DDAH1: variants seen among roughly 807,000 people sequenced by gnomAD.
DDAH1 encodes N(G),N(G)-dimethylarginine dimethylaminohydrolase 1.
A neutral mutation model predicts 28.8 loss-of-function variants in DDAH1; 19 were observed. The ratio of observed to expected loss-of-function variants is 0.66; its 90% CI spans 0.46 to 0.97. The LOEUF (loss-of-function observed/expected upper bound fraction) is 0.97, where lower values mean the gene tolerates loss of function less well. Ranked by LOEUF, DDAH1 falls within the 50% of genes least tolerant of loss-of-function variation. DDAH1 has a pLI of 0.00. For missense variants in DDAH1, 326 were observed against 375.9 expected (o/e 0.87, Z 1.10); for synonymous variants, 153 against 154.4 (o/e 0.99, Z 0.07).
chr1:85,377,456 A>G (rs1252435648), intron 1 of DDAH1, among the ~76,000 whole-genome samples: 1 of 152,088 alleles, frequency 6.6e-6, no homozygotes, highest in Non-Finnish European at 1.5e-5. Context: ...CTGCCATCTA[A>G]CCAAACCCAA....
At chr1:85,441,777 T>C (rs530151366) in intron 1 of DDAH1, among the ~76,000 whole-genome samples, 2 of 152,330 alleles carry the variant, frequency 1.3e-5, no homozygotes, top group African/African-American at 4.8e-5. Flanking sequence ...AGTATACCTT[T>C]CAACTTTATG....
rs1257733704 is a variant in DDAH1, at chr1:85,464,307, G to A, written c.303+436C>T. On this transcript the variant is annotated intron_variant, in intron 1 of 5. Coordinates refer to ENST00000284031, the MANE Select transcript of DDAH1 (RefSeq NM_012137.4). This position sits in a 1 kb window ranked among gnomAD's most constrained non-coding sequence, Gnocchi z 4.4. The stretch of plus-strand genomic sequence containing the variant: ...TTGTCCTGCTCCGAGCGCCAGGCAG[G>A]ACTTGGGGGCTTCGGTGTCACGACT... Among the ~76,000 whole-genome samples the A allele has an allele frequency of 6.6e-6, 1 of 152,166 alleles. No homozygotes were observed. Among genetic ancestry groups the A allele is most frequent in the Non-Finnish European group, 1.5e-5 (1 of 68,034 alleles).
chr1:85,335,133 A>G (rs1648026396), intron 4 of DDAH1, among the ~76,000 whole-genome samples: 1 of 152,228 alleles, frequency 6.6e-6, no homozygotes, highest in African/African-American at 2.4e-5. Flanking sequence ...CGAATGAGGA[A>G]GAGAAAGCAT....
At chr1:85,365,700 T>C (rs1047113320) in intron 1 of DDAH1, among the ~76,000 whole-genome samples, 2 of 82,754 alleles carry the variant, frequency 2.4e-5, no homozygotes, top group African/African-American at 8.6e-5. Context: ...CACTAGGAAG[T>C]ATAGTAGGTA....
At chr1:85,433,446 G>A (rs1653796075) in intron 1 of DDAH1, among the ~76,000 whole-genome samples, 1 of 152,096 alleles carries the variant, frequency 6.6e-6, no homozygotes, top group African/African-American at 2.4e-5. Flanking sequence ...GCAAAACAAC[G>A]ACAACTGCAA....
chr1:85,397,848 G>A (rs973916809), intron 1 of DDAH1, among the ~76,000 whole-genome samples: 1 of 152,234 alleles, frequency 6.6e-6, no homozygotes, highest in South Asian at 2.1e-4. Flanking sequence ...CCTGGTGGGA[G>A]GCCTCTCTCG....
In DDAH1 at chr1:85,555,324, C is replaced by T. The variant is rs759010605; in HGVS notation, c.-123+22660G>A. Among the ~76,000 whole-genome samples the T allele has an allele frequency of 3.2e-4, 49 of 152,216 alleles. 1 individual carries two copies. The highest frequency in any genetic ancestry group is 3.4e-4 in the Non-Finnish European group (23 of 68,034). ...TTGGCAAGCACTTCCATACATTTAT[C>T]GTCTGTCAGCCAAGTGTCAATAAGT... On this transcript the variant is annotated intron_variant, in intron 1 of 6. Coordinates refer to the DDAH1 transcript ENST00000426972.
At chr1:85,381,306 C>CACTT (rs752368573) in intron 1 of DDAH1, among the ~76,000 whole-genome samples, 1 of 148,840 alleles carries the variant, frequency 6.7e-6, no homozygotes, top group East Asian at 2.0e-4. Flanking sequence ...TGTTTTTTTG[C>CACTT]ACTTACAAAG....
At chr1:85,442,311 G>C (rs1654235052) in intron 1 of DDAH1, among the ~76,000 whole-genome samples, 1 of 152,128 alleles carries the variant, frequency 6.6e-6, no homozygotes, top group African/African-American at 2.4e-5. Flanking sequence ...AGTTTGCTGA[G>C]AATGATGGTT....
intron 1 of DDAH1, among the ~76,000 whole-genome samples, chr1:85,570,022 G>A (rs560605241): frequency 6.6e-6 from 1 of 152,228 alleles, no homozygotes; most frequent in South Asian, 2.1e-4. Context: ...CCAAGCTGAC[G>A]CTGATCACAA....
At chr1:85,532,641 C>T (rs2100775425) in intron 1 of DDAH1, among the ~76,000 whole-genome samples, 1 of 151,680 alleles carries the variant, frequency 6.6e-6, no homozygotes, top group South Asian at 2.1e-4. Flanking sequence ...AGTAACTTGC[C>T]CAAGACCACA....
chr1:85,454,766 A>G (rs894454801), intron 1 of DDAH1, among the ~76,000 whole-genome samples: 2 of 152,190 alleles, frequency 1.3e-5, no homozygotes, highest in African/African-American at 2.4e-5. Flanking sequence ...ATGACCCACT[A>G]GTGGGTAGAG....
chr1:85,417,398 C>T (rs1211743665), intron 1 of DDAH1, among the ~76,000 whole-genome samples: 1 of 152,094 alleles, frequency 6.6e-6, no homozygotes, highest in Non-Finnish European at 1.5e-5. Flanking sequence ...GTGTTCTAGG[C>T]CTCATCCCTT....
rs150420668 is a variant in DDAH1, at chr1:85,431,775, C to G, written c.303+32968G>C. 2.9e-4 allele frequency among the ~76,000 whole-genome samples: 44 copies of G among 152,296 alleles called. No homozygotes were observed. The East Asian group carries it at 8.5e-3, about 29-fold the overall frequency. ...TTGGAGATATAAGCAATATTCCTTA[C>G]ATATATTTATTTACAGCTTCATAAA... On this transcript the variant is annotated intron_variant, in intron 1 of 5. Transcript: ENST00000284031.
At chr1:85,331,384 T>C (rs1647750030) in intron 4 of DDAH1, among the ~76,000 whole-genome samples, 2 of 150,950 alleles carry the variant, frequency 1.3e-5, no homozygotes, top group Non-Finnish European at 3.0e-5. Context: ...TCAAAGCACA[T>C]TTTTGGGTCA....
chr1:85,481,802 C>T (rs1656024021), intron 2 of DDAH1, among the ~76,000 whole-genome samples: 1 of 152,210 alleles, frequency 6.6e-6, no homozygotes, highest in African/African-American at 2.4e-5. Context: ...TTTCCCACCA[C>T]GGGAACACCT....
chr1:85,534,175 A>C (rs2254573), intron 1 of DDAH1, among the ~76,000 whole-genome samples: 6 of 152,218 alleles, frequency 3.9e-5, no homozygotes, highest in African/African-American at 1.4e-4. Context: ...TCCATAAGAC[A>C]GAAGTTATCT....
intron 1 of DDAH1, among the ~76,000 whole-genome samples, chr1:85,449,698 T>G (rs886284579): frequency 6.6e-6 from 1 of 152,050 alleles, no homozygotes. Context: ...TCTCTGAACC[T>G]GAAAACTACA....
chr1:85,366,093 C>A (rs1650060530), intron 1 of DDAH1, among the ~76,000 whole-genome samples: 1 of 147,498 alleles, frequency 6.8e-6, no homozygotes, highest in South Asian at 2.1e-4. Flanking sequence ...CGGCTGATAG[C>A]TGGTAAAAAA....
Sources: allele counts gnomAD v4.1 joint callset (sites outside exome capture counted in the v4.1 genomes callset), GRCh38; gene constraint gnomAD v4.1.1; non-coding constraint Gnocchi (gnomAD v3.1); transcripts MANE v1.5; gene names NCBI Gene and HGNC (gene_info 2026-07-23, HGNC 2026-07-21).